NCKAP5L: variants seen among roughly 807,000 people sequenced by gnomAD.
NCKAP5L encodes NCK associated protein 5 like, also known as nck-associated protein 5-like.
A neutral mutation model predicts 103.2 loss-of-function variants in NCKAP5L; 54 were observed. The observed-to-expected ratio is 0.52, with a 90% CI of 0.42 to 0.66. The LOEUF is 0.66. NCKAP5L is among the 30% of genes least tolerant of loss of function. NCKAP5L has a pLI of 0.00. For missense variants in NCKAP5L, 1,733 were observed against 1,750.6 expected, an observed-to-expected ratio of 0.99 and a Z score of 0.18; for synonymous variants, 762 against 748.6, an observed-to-expected ratio of 1.02 and a Z score of -0.29.
At chr12:49,818,533 A>AT (rs966046364) in intron 1 of NCKAP5L, among the ~76,000 whole-genome samples, 4 of 151,680 alleles carry the variant, frequency 2.6e-5, no homozygotes, top group African/African-American at 9.7e-5. Context: ...AATTTTTTGG[A>AT]TTTTTTTTGT....
intron 1 of NCKAP5L, among the ~76,000 whole-genome samples, chr12:49,810,067 T>C (rs1337160825): frequency 6.6e-6 from 1 of 151,228 alleles, no homozygotes; most frequent in Admixed American, 6.6e-5. Flanking sequence ...GCAGTCGTGT[T>C]ATAAGCCCCA....
At position 49,796,435 on chromosome 12, in the gene NCKAP5L, C is replaced by A; in HGVS notation, c.1425G>T (p.Gln475His). 6.5e-7 allele frequency: 1 copy of A among 1,548,664 alleles called. No individual in the cohort carries two copies. Residue 475 changes from glutamine (Q) to histidine (H), a missense_variant, in exon 8 of 13, where the codon CAG (glutamine) becomes CAT (histidine). By Grantham distance (24) the Gln-to-His change is conservative (BLOSUM62 0). Transcript: ENST00000335999. ...SEKSPSPGGPQLSPQLPRNSR... is the reference protein window; with the variant it reads ...SEKSPSPGGPHLSPQLPRNSR... Reference sequence around the variant, plus strand: ...AGTTCCGGGGGAGCTGGGGACTGAGCTGCGGGCCTCCTGGGCTGGGGCTCT... The same window carrying A: ...AGTTCCGGGGGAGCTGGGGACTGAGATGCGGGCCTCCTGGGCTGGGGCTCT...
intron 2 of NCKAP5L, chr12:49,805,533 G>C (rs2603110): frequency 0.55 from 84,324 of 152,084 alleles, 25,429 homozygotes; most frequent in East Asian, 0.79. Flanking sequence ...AAGGGTGGAA[G>C]CTTGGTCCAT....
At chr12:49,814,784 A>G (rs1946279959) in intron 1 of NCKAP5L, among the ~76,000 whole-genome samples, 1 of 152,206 alleles carries the variant, frequency 6.6e-6, no homozygotes, top group African/African-American at 2.4e-5. Flanking sequence ...TTTTCTATCA[A>G]TATTCTGTTC....
In NCKAP5L at chr12:49,793,846, T is replaced by C; in HGVS notation, c.3146A>G (p.Glu1049Gly). Residue 1049 changes from glutamate (E) to glycine (G), a missense_variant, in exon 9 of 13, where the codon GAG becomes GGG. Glu to Gly is a moderately conservative substitution (Grantham distance 98, BLOSUM62 -2). Transcript: ENST00000335999. ...PSKSWREPKP[E>G]YGDFQPVSSD... ...AGACACCGGCTGGAAATCCCCGTAC[T>C]CAGGCTTGGGCTCCCGCCAGCTCTT... 1 of 1,581,228 alleles carries C rather than the reference T, an allele frequency of 6.3e-7. No homozygotes were observed. The highest frequency in any genetic ancestry group is 8.6e-7 in the Non-Finnish European group (1 of 1,164,134).
At chr12:49,800,890 G>A (rs1946110880) in intron 6 of NCKAP5L, among the ~76,000 whole-genome samples, 1 of 152,164 alleles carries the variant, frequency 6.6e-6, no homozygotes, top group South Asian at 2.1e-4. Context: ...TGCTGGGGTG[G>A]GCTGAGCTGC....
rs1323669351 is a variant in NCKAP5L, at chr12:49,796,053, C to T, written c.1807G>A (p.Val603Ile). Residue 603 changes from valine (V) to isoleucine (I), a missense_variant, in exon 8 of 13, where the codon GTA (valine) becomes ATA (isoleucine). Coordinates refer to ENST00000335999, the MANE Select transcript of NCKAP5L (RefSeq NM_001037806.4). Reference protein sequence around the residue: ...QAPEVLRSPGVPPSPCLPESY... With the variant: ...QAPEVLRSPGIPPSPCLPESY... ...TCTGGGAGGCAAGGACTGGGGGGTA[C>T]TCCAGGGCTTCTGAGGACCTCAGGG... 2 of 1,575,994 alleles carry T rather than the reference C, an allele frequency of 1.3e-6. No individual in the cohort carries two copies. Among genetic ancestry groups the T allele is most frequent in the Non-Finnish European group, 1.7e-6 (2 of 1,163,944 alleles).
At chr12:49,798,254 C>G in intron 7 of NCKAP5L, 96 bp downstream of exon 7, 1 of 1,184,152 alleles carries the variant, frequency 8.4e-7, no homozygotes, top group African/African-American at 1.5e-5. Flanking sequence ...ACACTTCCAG[C>G]CTGGACAAAC....
intron 1 of NCKAP5L, among the ~76,000 whole-genome samples, chr12:49,820,320 T>G (rs1946347131): frequency 1.3e-5 from 2 of 149,252 alleles, no homozygotes; most frequent in South Asian, 4.4e-4. Context: ...GGCCTTTTTT[T>G]TTTTTTTTTT....
intron 10 of NCKAP5L, 78 bp from the exon 11 acceptor site, chr12:49,793,064 C>T: frequency 1.7e-6 from 2 of 1,194,002 alleles, no homozygotes; most frequent in Non-Finnish European, 1.1e-6. Context: ...TCCCGCCCAG[C>T]CCAGGCTCCA....
intron 2 of NCKAP5L, chr12:49,804,876 G>C (rs1043629753): frequency 1.3e-5 from 2 of 152,278 alleles, no homozygotes; most frequent in Admixed American, 1.3e-4. Flanking sequence ...GGCGCCCTTA[G>C]CTCTAGCTCT....
At chr12:49,818,628 TG>T (rs1344464839) in intron 1 of NCKAP5L, among the ~76,000 whole-genome samples, 1 of 152,158 alleles carries the variant, frequency 6.6e-6, no homozygotes, top group African/African-American at 2.4e-5. Flanking sequence ...CCCAAAGTGC[TG>T]GGATTACAGG....
At chr12:49,793,554 G>A (rs1217267961) in intron 9 of NCKAP5L, 121 bp from the exon 10 acceptor site, 10 of 1,250,210 alleles carry the variant, frequency 8.0e-6, no homozygotes, top group Non-Finnish European at 1.1e-5. Flanking sequence ...GGGCCCAGGA[G>A]TATGGATCTG....
chr12:49,799,017 C>T (rs991509534), intron 6 of NCKAP5L, among the ~76,000 whole-genome samples: 4 of 152,114 alleles, frequency 2.6e-5, no homozygotes, highest in Admixed American at 2.0e-4. Context: ...ATGTAATTTC[C>T]TTCTCCTGGG....
intron 6 of NCKAP5L, among the ~76,000 whole-genome samples, chr12:49,800,594 C>T (rs1946108017): frequency 6.6e-6 from 1 of 152,220 alleles, no homozygotes; most frequent in Non-Finnish European, 1.5e-5. Flanking sequence ...ATCTTCACGT[C>T]AACTGCAATA....
chr12:49,795,108 C>T lies in NCKAP5L; in HGVS notation c.2752G>A (p.Ala918Thr), dbSNP rs766915624. 11 of 1,613,056 alleles carry T rather than the reference C, an allele frequency of 6.8e-6. No individual in the cohort carries two copies. Among genetic ancestry groups the T allele is most frequent in the Admixed American group, 5.0e-5 (3 of 59,924 alleles). The part of the protein sequence containing the change: ...EVKHRNTSSI[A>T]SWFGLKKSKL... Reference sequence around the variant, plus strand: ...CTCTTCTTAAGGCCGAACCAGCTGGCGATGCTGCTGGTGTTGCGGTGCTTG... The same window carrying T: ...CTCTTCTTAAGGCCGAACCAGCTGGTGATGCTGCTGGTGTTGCGGTGCTTG... The change falls in exon 8 of 13, where the codon GCC becomes ACC. Residue 918 changes from alanine to threonine, a missense_variant. Coordinates refer to ENST00000335999, the MANE Select transcript of NCKAP5L (RefSeq NM_001037806.4).
At position 49,792,733 on chromosome 12, in the gene NCKAP5L, G is replaced by T; in HGVS notation, c.3594C>A (p.Phe1198Leu). ...VSGRHPSMPA[F>L]PALLPAAPGH... is the part of the protein sequence containing the mutation. ...CCGGAGCAGCGGGTAGCAGTGCAGG[G>T]AAGGCTGGCATGCTGGGGTGCCGCC... The change falls in exon 11 of 13, where the codon TTC (phenylalanine) becomes TTA (leucine). Residue 1198 changes from phenylalanine to leucine, a missense_variant. Physicochemically the swap from Phe to Leu is conservative, Grantham distance 22. Transcript: ENST00000335999. The surrounding 1 kb of genome is among the most constrained non-coding windows in gnomAD (Gnocchi z 4.5). 6.2e-7 allele frequency: 1 copy of T among 1,610,388 alleles called. No individual in the cohort carries two copies. Among genetic ancestry groups the T allele is most frequent in the Non-Finnish European group, 8.5e-7 (1 of 1,178,858 alleles).
At chr12:49,825,012 C>A (rs984682102) in intron 1 of NCKAP5L, among the ~76,000 whole-genome samples, 2 of 152,226 alleles carry the variant, frequency 1.3e-5, no homozygotes, top group Non-Finnish European at 2.9e-5. Flanking sequence ...ATGCATAAAA[C>A]ATTAACGCAG....
chr12:49,828,130 C>A (rs1481627875), intron 1 of NCKAP5L, among the ~76,000 whole-genome samples, 192 bp downstream of exon 1: 1 of 149,012 alleles, frequency 6.7e-6, no homozygotes, highest in Non-Finnish European at 1.5e-5. Context: ...GCCGGACCCC[C>A]GAGGAGGGTG....
Sources: gnomAD v4.1 joint callset for allele counts (sites outside exome capture counted in the v4.1 genomes callset) on GRCh38, gnomAD v4.1.1 for gene constraint, Gnocchi (gnomAD v3.1) non-coding constraint, MANE v1.5 for transcripts, NCBI Gene and HGNC (gene_info 2026-07-23, HGNC 2026-07-21) for gene names.